The following AFG1L variants were observed in gnomAD, a reference collection of about 807,000 sequenced individuals.
AFG1L encodes AFG1-like ATPase.
AFG1L carries 53 observed loss-of-function variants against 62.2 expected under a neutral mutation model. The observed-to-expected ratio is 0.85, with a 90% CI of 0.68 to 1.07. The LOEUF is 1.07. Among genes scored for constraint, AFG1L ranks in the 50% least tolerant of loss-of-function variants. AFG1L has a pLI of 0.00. For synonymous variants in AFG1L, 228 were observed against 210.3 expected, an observed-to-expected ratio of 1.08 and a Z score of -0.73; for missense variants, 555 against 590.5, an observed-to-expected ratio of 0.94 and a Z score of 0.62.
chr6:108,346,803 T>C (rs1778879962), intron 2 of AFG1L, among the ~76,000 whole-genome samples, 185 bp from the exon 3 acceptor site: 2 of 152,162 alleles, frequency 1.3e-5, no homozygotes. Context: ...TACGTTAGAG[T>C]TTTTTCCCTT....
At chr6:108,472,381 T>A (rs2114804091) in intron 8 of AFG1L, among the ~76,000 whole-genome samples, 1 of 152,306 alleles carries the variant, frequency 6.6e-6, no homozygotes, top group East Asian at 1.9e-4. Context: ...TAGGTGCTCT[T>A]ACCGCCCCCA....
chr6:108,409,981 A>G (rs984450636), intron 7 of AFG1L, among the ~76,000 whole-genome samples: 8 of 152,160 alleles, frequency 5.3e-5, no homozygotes, highest in African/African-American at 1.4e-4. Flanking sequence ...TTCATTGTTT[A>G]TTTCCTATTG....
At chr6:108,402,991 A>G (rs563075623) in intron 7 of AFG1L, among the ~76,000 whole-genome samples, 87 of 152,192 alleles carry the variant, frequency 5.7e-4, no homozygotes, top group African/African-American at 2.0e-3. Context: ...CTCCTTTTTT[A>G]CTATTAATTT....
intron 6 of AFG1L, among the ~76,000 whole-genome samples, chr6:108,390,793 G>C (rs533778225): frequency 6.6e-6 from 1 of 152,342 alleles, no homozygotes; most frequent in Admixed American, 6.5e-5. Context: ...GTGCCTCCCA[G>C]TTAGGCTGCT....
intron 7 of AFG1L, among the ~76,000 whole-genome samples, chr6:108,402,726 T>C (rs1025305882): frequency 5.9e-5 from 9 of 152,108 alleles, no homozygotes; most frequent in Non-Finnish European, 1.2e-4. Flanking sequence ...ATACATTTAT[T>C]TCTGAAAAAA....
intron 11 of AFG1L, among the ~76,000 whole-genome samples, chr6:108,515,749 A>G (rs1447185860): frequency 1.4e-4 from 22 of 152,112 alleles, no homozygotes; most frequent in East Asian, 3.8e-4. Context: ...TTGATAGACC[A>G]CTAGCAAGAC....
At chr6:108,334,283 G>A (rs1429550940) in intron 2 of AFG1L, among the ~76,000 whole-genome samples, 3 of 152,084 alleles carry the variant, frequency 2.0e-5, no homozygotes, top group Non-Finnish European at 4.4e-5. Flanking sequence ...GGGATTACAG[G>A]TGTGAGCCAC....
At chr6:108,448,397 T>C (rs2114753370) in intron 8 of AFG1L, among the ~76,000 whole-genome samples, 1 of 152,322 alleles carries the variant, frequency 6.6e-6, no homozygotes, top group South Asian at 2.1e-4. Context: ...TTGCTACCTG[T>C]GTCTTGATAT....
chr6:108,377,818 CTT>C (rs199511475), intron 6 of AFG1L, among the ~76,000 whole-genome samples: 11 of 134,646 alleles, frequency 8.2e-5, no homozygotes, highest in East Asian at 2.1e-4. Context: ...GGAAAGTTTC[CTT>C]TTTTTTTTTT....
intron 8 of AFG1L, among the ~76,000 whole-genome samples, chr6:108,468,349 A>G (rs1772752185): frequency 6.6e-6 from 1 of 152,246 alleles, no homozygotes; most frequent in African/African-American, 2.4e-5. Flanking sequence ...TTATCACACA[A>G]TAATATTCTC....
intron 5 of AFG1L, among the ~76,000 whole-genome samples, chr6:108,363,579 T>C (rs1477028117): frequency 1.3e-5 from 2 of 152,182 alleles, no homozygotes; most frequent in Non-Finnish European, 2.9e-5. Context: ...ATATTTATGT[T>C]ACATGTTAAA....
chr6:108,358,979 A>G (rs761675325), intron 5 of AFG1L: 1 of 152,284 alleles, frequency 6.6e-6, no homozygotes, highest in Non-Finnish European at 1.5e-5. Context: ...TGCAGCAGAC[A>G]TAGTGTCTAG....
At chr6:108,355,411 G>A (rs1011419107) in intron 3 of AFG1L, among the ~76,000 whole-genome samples, 5 of 152,136 alleles carry the variant, frequency 3.3e-5, no homozygotes, top group African/African-American at 7.2e-5. Context: ...GAAATAGCCC[G>A]TGTAATGTTA....
chr6:108,356,893 AT>A, intron 5 of AFG1L, 73 bp downstream of exon 5: 1 of 1,256,166 alleles, frequency 8.0e-7, no homozygotes, highest in Non-Finnish European at 1.1e-6. Context: ...TTTGCTCCTG[AT>A]TTTATCATTG....
intron 8 of AFG1L, among the ~76,000 whole-genome samples, chr6:108,465,509 TAA>T (rs1338677737): frequency 3.3e-5 from 5 of 152,316 alleles, no homozygotes; most frequent in Admixed American, 3.3e-4. Context: ...ACCAGATTTT[TAA>T]AAATGAGATA....
intron 6 of AFG1L, among the ~76,000 whole-genome samples, chr6:108,377,266 TG>T (rs1425954791): frequency 6.6e-6 from 1 of 152,228 alleles, no homozygotes; most frequent in Middle Eastern, 3.2e-3. Context: ...TATTGATATG[TG>T]AAGTTTTGAT....
At chr6:108,436,549 C>T (rs2114725140) in intron 7 of AFG1L, among the ~76,000 whole-genome samples, 1 of 152,250 alleles carries the variant, frequency 6.6e-6, no homozygotes, top group Non-Finnish European at 1.5e-5. Flanking sequence ...GAGCAGAGGG[C>T]AACAGATGTA....
At chr6:108,302,715 A>C (rs1158179175) in intron 1 of AFG1L, among the ~76,000 whole-genome samples, 1 of 152,210 alleles carries the variant, frequency 6.6e-6, no homozygotes, top group African/African-American at 2.4e-5. Context: ...ACACCACTCC[A>C]GTCAAAACCT....
intron 7 of AFG1L, among the ~76,000 whole-genome samples, chr6:108,432,752 G>A (rs1162409628): frequency 6.6e-6 from 1 of 152,208 alleles, no homozygotes; most frequent in Non-Finnish European, 1.5e-5. Flanking sequence ...GATTACCTAA[G>A]GAGCTTAAAA....
Sources: allele counts gnomAD v4.1 joint callset (sites outside exome capture counted in the v4.1 genomes callset), GRCh38; gene constraint gnomAD v4.1.1; transcripts MANE v1.5; gene names NCBI Gene and HGNC (gene_info 2026-07-23, HGNC 2026-07-21).